Variants in PRICKLE2 observed in about 807,000 individuals in gnomAD.
The protein encoded by PRICKLE2 is prickle planar cell polarity protein 2.
A neutral mutation model predicts 81.4 loss-of-function variants in PRICKLE2; 21 were observed. That is an observed-to-expected ratio of 0.26 (90% CI 0.18 to 0.37). The LOEUF is 0.37. PRICKLE2 is among the 10% of genes least tolerant of loss of function. The probability of loss-of-function intolerance (pLI) is 1.00; values close to 1 mark genes in which losing one functional copy is unlikely to be tolerated. For synonymous variants in PRICKLE2, 456 were observed against 421.5 expected, an observed-to-expected ratio of 1.08 and a Z score of -1.00; for missense variants, 940 against 1,109.0, an observed-to-expected ratio of 0.85 and a Z score of 2.16.
upstream of PRICKLE2, among the ~76,000 whole-genome samples, chr3:64,227,330 C>G (rs1030347348): frequency 2.0e-5 from 3 of 152,142 alleles, no homozygotes; most frequent in Non-Finnish European, 4.4e-5. Context: ...CAGTTTGGGG[C>G]CCCCAGTAGC....
intron 2 of PRICKLE2, among the ~76,000 whole-genome samples, chr3:64,249,275 T>A (rs2079406642): frequency 6.6e-6 from 1 of 151,946 alleles, no homozygotes; most frequent in South Asian, 2.1e-4. Context: ...CACACACTTT[T>A]AAACCATCAT....
chr3:64,211,447 T>C (rs1429991126), intron 1 of PRICKLE2, among the ~76,000 whole-genome samples: 1 of 152,216 alleles, frequency 6.6e-6, no homozygotes, highest in Non-Finnish European at 1.5e-5. Flanking sequence ...AAGAATGTTC[T>C]TGTTCTGAAG....
intron 7 of PRICKLE2, among the ~76,000 whole-genome samples, chr3:64,126,557 A>C (rs1260417769): frequency 6.6e-6 from 1 of 152,158 alleles, no homozygotes; most frequent in East Asian, 1.9e-4. Flanking sequence ...CTCATTAGCC[A>C]TGTGACTGTG....
intron 2 of PRICKLE2, among the ~76,000 whole-genome samples, chr3:64,173,334 T>C (rs2077966108): frequency 6.6e-6 from 1 of 152,150 alleles, no homozygotes; most frequent in East Asian, 1.9e-4. Context: ...GAGCTATACA[T>C]AGCATACCAT....
chr3:64,189,595 G>A (rs982241375), intron 2 of PRICKLE2, among the ~76,000 whole-genome samples: 7 of 152,170 alleles, frequency 4.6e-5, no homozygotes, highest in Admixed American at 2.6e-4. Flanking sequence ...CTGATCCTGT[G>A]AGCCTCAATG....
intron 2 of PRICKLE2, 79 bp from the exon 3 acceptor site, chr3:64,163,208 C>T (rs993954187): frequency 2.4e-5 from 21 of 874,036 alleles, no homozygotes; most frequent in Non-Finnish European, 4.1e-5. Context: ...GAAGATGATT[C>T]CCCCAGCAGG....
chr3:64,254,076 G>A (rs1220730359), intron 2 of PRICKLE2, among the ~76,000 whole-genome samples: 1 of 152,186 alleles, frequency 6.6e-6, no homozygotes, highest in Non-Finnish European at 1.5e-5. Context: ...CCTCTTGCTT[G>A]GTGGTAGACA....
chr3:64,265,571 T>C (rs2079689733), intron 2 of PRICKLE2, among the ~76,000 whole-genome samples: 1 of 152,294 alleles, frequency 6.6e-6, no homozygotes, highest in Non-Finnish European at 1.5e-5. Flanking sequence ...AACCCACAGA[T>C]CTCTGCATAC....
At chr3:64,156,568 G>A (rs1185977584) in intron 5 of PRICKLE2, among the ~76,000 whole-genome samples, 1 of 152,154 alleles carries the variant, frequency 6.6e-6, no homozygotes, top group African/African-American at 2.4e-5. Context: ...GGGGAAGAAG[G>A]CCAGGCAGAG....
intron 2 of PRICKLE2, among the ~76,000 whole-genome samples, chr3:64,263,894 T>A (rs887508263): frequency 6.6e-6 from 1 of 152,202 alleles, no homozygotes; most frequent in African/African-American, 2.4e-5. Context: ...CCATGTGGTC[T>A]CCCTCAATTC....
At chr3:64,141,523 G>C (rs2077362174) in intron 7 of PRICKLE2, among the ~76,000 whole-genome samples, 1 of 152,238 alleles carries the variant, frequency 6.6e-6, no homozygotes, top group South Asian at 2.1e-4. Flanking sequence ...GCTGCAAGCT[G>C]CTTTAGAGGC....
At chr3:64,199,353 T>C (rs577549621) in intron 1 of PRICKLE2, 33 of 263,134 alleles carry the variant, frequency 1.3e-4, no homozygotes, top group African/African-American at 7.0e-4. Context: ...ATAATACATA[T>C]GTTGACCTGA....
intron 2 of PRICKLE2, among the ~76,000 whole-genome samples, chr3:64,238,926 C>T (rs919129453): frequency 6.6e-6 from 1 of 152,224 alleles, no homozygotes; most frequent in Non-Finnish European, 1.5e-5. Context: ...AGACACCAGT[C>T]AGCCCACCCA....
intron 2 of PRICKLE2, among the ~76,000 whole-genome samples, chr3:64,254,430 A>C (rs1451103113): frequency 6.6e-6 from 1 of 152,176 alleles, no homozygotes; most frequent in Non-Finnish European, 1.5e-5. Flanking sequence ...CTAGACAAGA[A>C]ACCACCTAGA....
chr3:64,252,256 C>T (rs1227535316), intron 2 of PRICKLE2, among the ~76,000 whole-genome samples: 1 of 152,124 alleles, frequency 6.6e-6, no homozygotes, highest in Non-Finnish European at 1.5e-5. Context: ...GGTAAAAAAG[C>T]TTATTCAAAT....
chr3:64,149,447 A>T lies in PRICKLE2; in HGVS notation c.788-1745T>A, dbSNP rs776432981. 2.0e-5 allele frequency among the ~76,000 whole-genome samples: 3 copies of T among 152,226 alleles called. 1 individual carries two copies. The South Asian group carries it at 6.2e-4, about 31-fold the overall frequency. On this transcript the variant is annotated intron_variant, in intron 6 of 7. Transcript: ENST00000638394. ...TTTTTATAGCAGCAGTAAAACTGGC[A>T]GAATGGAAACTGGGAGCTGCTGGGG...
intron 2 of PRICKLE2, among the ~76,000 whole-genome samples, chr3:64,249,693 G>A (rs1400504619): frequency 6.6e-6 from 1 of 152,194 alleles, no homozygotes; most frequent in Non-Finnish European, 1.5e-5. Flanking sequence ...AGAATGTTAT[G>A]TCATCCAGGT....
chr3:64,144,049 T>C (rs903100009), intron 7 of PRICKLE2, among the ~76,000 whole-genome samples: 1 of 152,008 alleles, frequency 6.6e-6, no homozygotes, highest in Non-Finnish European at 1.5e-5. Context: ...TTGAGGAGGA[T>C]AGAAAGTAAA....
chr3:64,112,970 T>C (rs201576291), intron 7 of PRICKLE2, among the ~76,000 whole-genome samples: 3 of 49,080 alleles, frequency 6.1e-5, no homozygotes, highest in East Asian at 5.9e-4. Context: ...AGGCAAGACA[T>C]AGAAATCTGG....
Sources: allele counts gnomAD v4.1 joint callset (sites outside exome capture counted in the v4.1 genomes callset), GRCh38; gene constraint gnomAD v4.1.1; transcripts MANE v1.5; gene names NCBI Gene and HGNC (gene_info 2026-07-23, HGNC 2026-07-21).